The following PODN variants were observed in gnomAD, a reference collection of about 807,000 sequenced individuals.
PODN encodes the protein podocan.
In PODN, 40 loss-of-function variants were observed where a neutral mutation model predicts 52.7. The ratio of observed to expected loss-of-function variants is 0.76; its 90% CI spans 0.59 to 0.99. The LOEUF is 0.99. PODN is among the 50% of genes least tolerant of loss of function. PODN has a pLI of 0.00. For missense variants in PODN, 720 were observed against 815.1 expected (o/e 0.88, Z 1.42); for synonymous variants, 396 against 377.9 (o/e 1.05, Z -0.56).
At chr1:53,062,391 G>C in intron 1 of PODN, 83 bp downstream of exon 1, 3 of 1,050,284 alleles carry the variant, frequency 2.9e-6, no homozygotes, top group Non-Finnish European at 3.7e-6. Flanking sequence ...CGCCTCTCCG[G>C]ATGGCTCCAG....
Position 53,078,503 on chromosome 1 carries a change from C to T in PODN, c.993C>T (p.Pro331=), listed in dbSNP as rs1397275430. Residue 331 remains proline, a synonymous_variant, in exon 8 of 11, where the codon CCC becomes CCT. Coordinates refer to ENST00000312553, the MANE Select transcript of PODN (RefSeq NM_153703.5). ...IRSVDANVLT[P]IRSLEYLLLH... is the part of the protein sequence containing the mutation. ...GCGTGGACGCGAATGTGCTGACCCC[C>T]ATCCGCAGCCTGGAGTACCTGCTGC... 6.2e-7 allele frequency: 1 copy of T among 1,613,194 alleles called. No homozygotes were observed.
In PODN at chr1:53,077,589, G is replaced by A. The variant is rs192313687; in HGVS notation, c.739-96G>A. The A allele has an allele frequency of 2.5e-5, 33 of 1,294,566 alleles. 1 individual carries two copies. Among genetic ancestry groups the A allele is most frequent in the East Asian group, 2.3e-4 (10 of 42,986 alleles). The allele number at this position is 1,294,566 out of a possible 1,614,324, so 80.2% of individuals were successfully genotyped here. On this transcript the variant is annotated intron_variant, in intron 6 of 10. Transcript: ENST00000312553. Reference sequence around the variant, plus strand: ...TGCTTCAGGTCTGGGTGCCTTCCTGGTGGCTTCCCAGACTCCTCTCCACAC... The same window carrying A: ...TGCTTCAGGTCTGGGTGCCTTCCTGATGGCTTCCCAGACTCCTCTCCACAC...
At chr1:53,071,853 T>C (rs560108078) in intron 3 of PODN, among the ~76,000 whole-genome samples, 40 of 149,108 alleles carry the variant, frequency 2.7e-4, no homozygotes, top group Non-Finnish European at 4.3e-4. Context: ...ATTTCTTTCT[T>C]TTTTTTTTTG....
chr1:53,074,893 A>T (rs1015239607), intron 4 of PODN, among the ~76,000 whole-genome samples: 1 of 152,100 alleles, frequency 6.6e-6, no homozygotes, highest in African/African-American at 2.4e-5. Flanking sequence ...CAAGGCCCAC[A>T]GGAGTGTAGA....
At position 53,078,512 on chromosome 1, in the gene PODN, C is replaced by G; in HGVS notation, c.1002C>G (p.Ser334Arg). The G allele has an allele frequency of 6.2e-7, 1 of 1,613,280 alleles. No homozygotes were observed. Among genetic ancestry groups the G allele is most frequent in the Non-Finnish European group, 8.5e-7 (1 of 1,180,040 alleles). The change falls in exon 8 of 11, where the codon AGC becomes AGG. Residue 334 changes from serine (S) to arginine (R), a missense_variant. Transcript: ENST00000312553. ...CGAATGTGCTGACCCCCATCCGCAG[C>G]CTGGAGTACCTGCTGCTGCACAGCA... Reference protein sequence around the residue: ...VDANVLTPIRSLEYLLLHSNQ... With the variant: ...VDANVLTPIRRLEYLLLHSNQ...
At position 53,074,151 on chromosome 1, in the gene PODN, A is replaced by T. The variant is rs560692500; in HGVS notation, c.407-455A>T. 3.3e-5 allele frequency among the ~76,000 whole-genome samples: 5 copies of T among 152,342 alleles called. No homozygotes were observed. In the East Asian group the frequency reaches 9.7e-4, roughly 29 times the overall value. On this transcript the variant is annotated intron_variant, in intron 3 of 10. Coordinates refer to ENST00000312553, the MANE Select transcript of PODN (RefSeq NM_153703.5). ...GGCTCCCGGTAGCAGCCGAGTCCTG[A>T]CACATCTGCCAGATGGAGCAGGGGT...
intron 8 of PODN, among the ~76,000 whole-genome samples, chr1:53,080,294 G>C (rs1382102641): frequency 6.6e-6 from 1 of 152,220 alleles, no homozygotes; most frequent in African/African-American, 2.4e-5. Context: ...CACCCATCCA[G>C]GGCCAGTGGG....
Position 53,075,935 on chromosome 1 carries a change from T to A in PODN, c.545T>A (p.Ile182Asn). The change falls in exon 5 of 11, where the codon ATC (isoleucine) becomes AAC (asparagine). Residue 182 changes from isoleucine to asparagine, a missense_variant. Ile to Asn is a moderately radical substitution (Grantham distance 149). Coordinates refer to ENST00000312553, the MANE Select transcript of PODN (RefSeq NM_153703.5). Reference sequence around the variant, plus strand: ...TTTGCTGCCAACTATCTCACCAAGATCTATGGGCTCACCTTTGGCCAGAAG... The same window carrying A: ...TTTGCTGCCAACTATCTCACCAAGAACTATGGGCTCACCTTTGGCCAGAAG... ...VDFAANYLTK[I>N]YGLTFGQKPN... The A allele has an allele frequency of 6.2e-7, 1 of 1,603,400 alleles. No homozygotes were observed. The highest frequency in any genetic ancestry group is 8.5e-7 in the Non-Finnish European group (1 of 1,173,910).
intron 1 of PODN, among the ~76,000 whole-genome samples, chr1:53,065,347 C>T (rs78339745): frequency 0.038 from 5,645 of 148,486 alleles, 209 homozygotes; most frequent in East Asian, 0.2. Flanking sequence ...CAGAGGGAGA[C>T]CCTGTCTCAA....
rs149127843 is a variant in PODN at position 53,066,873 on chromosome 1, T to C, written c.-55-2928T>C. 5.6e-3 allele frequency: 8,638 copies of C among 1,548,854 alleles called. 30 individuals carry two copies. Among genetic ancestry groups the C allele is most frequent in the Admixed American group, 8.5e-3 (432 of 50,978 alleles). On this transcript the variant is annotated intron_variant, in intron 1 of 10. Coordinates refer to ENST00000312553, the MANE Select transcript of PODN (RefSeq NM_153703.5). ...GAGGCAGAACAGCCTGCCTGGTATGTGCACAGGATATGTGAGACCAGAGCT... is the reference window on the plus strand; with the variant it reads ...GAGGCAGAACAGCCTGCCTGGTATGCGCACAGGATATGTGAGACCAGAGCT...
intron 1 of PODN, chr1:53,063,497 G>A (rs1196658948): frequency 5.1e-6 from 5 of 985,446 alleles, no homozygotes; most frequent in Non-Finnish European, 6.0e-6. Flanking sequence ...AGGCAGCGGC[G>A]AGGCAGGAGG....
intron 6 of PODN, 76 bp from the exon 7 acceptor site, chr1:53,077,609 C>A: frequency 7.1e-7 from 1 of 1,413,326 alleles, no homozygotes; most frequent in Non-Finnish European, 9.8e-7. Flanking sequence ...AGACTCCTCT[C>A]CACACCTCAT....
At chr1:53,065,401 T>TCA (rs1644017418) in intron 1 of PODN, among the ~76,000 whole-genome samples, 1 of 150,426 alleles carries the variant, frequency 6.6e-6, no homozygotes, top group South Asian at 2.1e-4. Flanking sequence ...GATGGGTCAG[T>TCA]GGTATGGCCA....
intron 10 of PODN, among the ~76,000 whole-genome samples, chr1:53,083,530 G>A (rs966501938): frequency 6.6e-6 from 1 of 152,222 alleles, no homozygotes; most frequent in Non-Finnish European, 1.5e-5. Context: ...TTGGTGGCTT[G>A]GTGGCCAGAT....
intron 10 of PODN, among the ~76,000 whole-genome samples, chr1:53,083,502 G>T (rs557600636): frequency 6.6e-6 from 1 of 152,330 alleles, no homozygotes; most frequent in Admixed American, 6.5e-5. Flanking sequence ...GGGCAGGGTG[G>T]CTGCTGTCAC....
At chr1:53,069,020 C>G (rs561721500) in intron 1 of PODN, among the ~76,000 whole-genome samples, 1 of 152,140 alleles carries the variant, frequency 6.6e-6, no homozygotes, top group African/African-American at 2.4e-5. Context: ...CTGATCCTTT[C>G]TCTGTGCTGG....
chr1:53,081,840 C>A, intron 9 of PODN, 141 bp from the exon 10 acceptor site: 1 of 1,291,398 alleles, frequency 7.7e-7, no homozygotes, highest in Non-Finnish European at 1.0e-6. Flanking sequence ...GCGCTCTCAG[C>A]CCCTGGCCTT....
intron 1 of PODN, among the ~76,000 whole-genome samples, chr1:53,065,609 T>A (rs1251555859): frequency 6.6e-6 from 1 of 152,188 alleles, no homozygotes; most frequent in Non-Finnish European, 1.5e-5. Flanking sequence ...TTGCGCACCC[T>A]CGTGTCCACC....
chr1:53,075,403 C>T (rs771629438), intron 4 of PODN, among the ~76,000 whole-genome samples: 1 of 152,212 alleles, frequency 6.6e-6, no homozygotes, highest in Non-Finnish European at 1.5e-5. Flanking sequence ...CCTCTGGGCC[C>T]TGAGCTTCCT....
Sources: gnomAD v4.1 joint callset for allele counts (sites outside exome capture counted in the v4.1 genomes callset) on GRCh38, gnomAD v4.1.1 for gene constraint, MANE v1.5 for transcripts, NCBI Gene and HGNC (gene_info 2026-07-23, HGNC 2026-07-21) for gene names.